KLRD1: variants seen among roughly 807,000 people sequenced by gnomAD.
KLRD1 encodes killer cell lectin like receptor D1.
In KLRD1, 21 loss-of-function variants were observed where a neutral mutation model predicts 22.6. The observed-to-expected ratio is 0.93, with a 90% CI of 0.66 to 1.34. KLRD1 has a LOEUF of 1.34. Among genes scored for constraint, KLRD1 ranks in the 40% most tolerant of loss-of-function variants. The pLI, the probability that KLRD1 is intolerant of heterozygous loss-of-function variation, is 0.00. For missense variants in KLRD1, 183 were observed against 208.6 expected, an observed-to-expected ratio of 0.88 and a Z score of 0.76; for synonymous variants, 59 against 71.1, an observed-to-expected ratio of 0.83 and a Z score of 0.85.
At chr12:10,269,552 A>C (rs1340798681) in intron 1 of KLRD1, among the ~76,000 whole-genome samples, 2 of 152,140 alleles carry the variant, frequency 1.3e-5, no homozygotes, top group Admixed American at 6.6e-5. Flanking sequence ...TATTTATTCA[A>C]ATTGTCTCTT....
intron 1 of KLRD1, among the ~76,000 whole-genome samples, chr12:10,294,645 C>T (rs917851429): frequency 2.6e-5 from 4 of 152,188 alleles, no homozygotes; most frequent in African/African-American, 9.6e-5. Flanking sequence ...ACATGATCCA[C>T]CTGCTTTGGC....
At position 10,313,407 on chromosome 12, in the gene KLRD1, C is replaced by T; in HGVS notation, c.316-3C>T. On this transcript the variant is annotated splice_region_variant and splice_polypyrimidine_tract_variant and intron_variant, in intron 4 of 5. Transcript: ENST00000336164. ...TAATGTGATTGTCTTTTACTTGAAG[C>T]AGGATTTTATGAGCTCCAGTCAACA... The T allele has an allele frequency of 1.3e-6, 2 of 1,555,834 alleles. No homozygotes were observed. Among genetic ancestry groups the T allele is most frequent in the Non-Finnish European group, 1.8e-6 (2 of 1,137,382 alleles).
chr12:10,270,019 C>A (rs1245031332), intron 1 of KLRD1, among the ~76,000 whole-genome samples: 5 of 152,112 alleles, frequency 3.3e-5, no homozygotes, highest in Non-Finnish European at 7.4e-5. Flanking sequence ...TAACTTTTAA[C>A]TGCCAAACCA....
At chr12:10,255,096 G>GCC (rs1328429721) in intron 1 of KLRD1, among the ~76,000 whole-genome samples, 2 of 151,904 alleles carry the variant, frequency 1.3e-5, no homozygotes, top group East Asian at 1.9e-4. Context: ...AAAAATAATA[G>GCC]ATGCTGGTGA....
chr12:10,242,925 A>G (rs940311072), intron 1 of KLRD1, among the ~76,000 whole-genome samples: 1 of 152,200 alleles, frequency 6.6e-6, no homozygotes. Context: ...TGGTATATAT[A>G]CACGGTGAAA....
intron 1 of KLRD1, among the ~76,000 whole-genome samples, chr12:10,278,637 A>G (rs145829538): frequency 7.5e-4 from 115 of 152,322 alleles, no homozygotes; most frequent in African/African-American, 2.5e-3. Flanking sequence ...AATGGTAACC[A>G]TTGATTTAAA....
At chr12:10,269,342 G>A (rs1055657266) in intron 1 of KLRD1, among the ~76,000 whole-genome samples, 2 of 152,050 alleles carry the variant, frequency 1.3e-5, no homozygotes, top group Non-Finnish European at 2.9e-5. Context: ...GTAGAGACAA[G>A]GTTTCACCAT....
chr12:10,256,393 T>G (rs1949395282), intron 1 of KLRD1, among the ~76,000 whole-genome samples: 1 of 150,870 alleles, frequency 6.6e-6, no homozygotes, highest in African/African-American at 2.4e-5. Context: ...CCCACTCATT[T>G]TTTCCATTAT....
At chr12:10,289,371 CTAAT>C (rs929541206) in intron 1 of KLRD1, among the ~76,000 whole-genome samples, 1 of 152,210 alleles carries the variant, frequency 6.6e-6, no homozygotes, top group Admixed American at 6.5e-5. Context: ...ATTAAGGACT[CTAAT>C]TAAGAAATTT....
intron 1 of KLRD1, among the ~76,000 whole-genome samples, chr12:10,266,534 A>G (rs1592040703): frequency 6.6e-6 from 1 of 151,956 alleles, no homozygotes; most frequent in South Asian, 2.1e-4. Context: ...AACTGTTTCA[A>G]CTATTTTTTT....
chr12:10,266,302 A>C (rs1592040466), intron 1 of KLRD1, among the ~76,000 whole-genome samples: 1 of 152,160 alleles, frequency 6.6e-6, no homozygotes, highest in Non-Finnish European at 1.5e-5. Context: ...TTTGTATGAG[A>C]GGGTCCATTC....
rs943332674 is a variant in KLRD1, at chr12:10,322,910, A to G, written c.*8117A>G. 6.6e-6 allele frequency: 1 copy of G among 152,174 alleles called. No individual in the cohort carries two copies. The highest frequency in any genetic ancestry group is 1.5e-5 in the Non-Finnish European group (1 of 68,044). 9.4% of individuals were successfully genotyped at this position (152,174 alleles called of 1,614,324 possible). On this transcript the variant is annotated 3_prime_UTR_variant, in exon 6 of 6. Transcript: ENST00000336164. The stretch of plus-strand genomic sequence containing the variant: ...TATTTAGCCTGTTCTTTAATTTCAT[A>G]TAAATGGAAGCTTAGCATGTATGAT...
intron 1 of KLRD1, among the ~76,000 whole-genome samples, chr12:10,252,732 A>G (rs1949356595): frequency 6.6e-6 from 1 of 152,154 alleles, no homozygotes; most frequent in Non-Finnish European, 1.5e-5. Flanking sequence ...TTTGAGAAAG[A>G]GGAATAACTT....
At chr12:10,262,673 T>C (rs972305889) in intron 1 of KLRD1, among the ~76,000 whole-genome samples, 9 of 152,078 alleles carry the variant, frequency 5.9e-5, no homozygotes, top group African/African-American at 2.2e-4. Flanking sequence ...AATGGTTGCC[T>C]TATTCAGGAT....
chr12:10,259,924 C>T (rs1949432345), intron 1 of KLRD1, among the ~76,000 whole-genome samples: 1 of 152,196 alleles, frequency 6.6e-6, no homozygotes, highest in South Asian at 2.1e-4. Flanking sequence ...CAAATTCATG[C>T]TACTGCACTC....
chr12:10,256,361 C>A (rs2137625316), intron 1 of KLRD1, among the ~76,000 whole-genome samples: 1 of 148,364 alleles, frequency 6.7e-6, no homozygotes, highest in Admixed American at 6.7e-5. Flanking sequence ...CTATTTATTT[C>A]AGGGTGTCTT....
chr12:10,311,459 G>C lies in KLRD1; in HGVS notation c.164-5G>C. ...TCATTAGTCATGCTTTATGTTTTCT[G>C]TCAGACTCTGACTGCTGTTCTTGCC... On this transcript the variant is annotated splice_region_variant and splice_polypyrimidine_tract_variant and intron_variant, in intron 3 of 5. Coordinates refer to ENST00000336164, the MANE Select transcript of KLRD1 (RefSeq NM_002262.5). The C allele has an allele frequency of 6.2e-7, 1 of 1,611,812 alleles. No individual in the cohort carries two copies. The highest frequency in any genetic ancestry group is 1.1e-5 in the South Asian group (1 of 90,996).
At position 10,246,027 on chromosome 12, in the gene KLRD1, A is replaced by G. The variant is rs568805337; in HGVS notation, c.-101+19794A>G. ...GCATTTGTTTGTTTGTTTGTTTGAA[A>G]TGTTATGATATTTTAACATACAATG... On this transcript the variant is annotated intron_variant, in intron 1 of 5. Transcript: ENST00000544747. Among the ~76,000 whole-genome samples the G allele has an allele frequency of 1.8e-4, 27 of 152,270 alleles. No individual in the cohort carries two copies. The South Asian group carries it at 5.6e-3, about 32-fold the overall frequency.
intron 1 of KLRD1, among the ~76,000 whole-genome samples, chr12:10,249,201 G>T (rs1949322581): frequency 6.6e-6 from 1 of 152,162 alleles, no homozygotes; most frequent in Non-Finnish European, 1.5e-5. Context: ...CTTAACAGGG[G>T]ACAGGGGAGT....
Sources: gnomAD v4.1 joint callset for allele counts (sites outside exome capture counted in the v4.1 genomes callset) on GRCh38, gnomAD v4.1.1 for gene constraint, MANE v1.5 for transcripts, NCBI Gene and HGNC (gene_info 2026-07-23, HGNC 2026-07-21) for gene names.